Variants in VAV3 observed in about 807,000 individuals in gnomAD.
VAV3 encodes vav guanine nucleotide exchange factor 3.
Under a neutral mutation model 131.2 loss-of-function variants are expected in VAV3, and 94 were observed. That is an observed-to-expected ratio of 0.72 (90% confidence interval 0.61 to 0.85). The LOEUF (loss-of-function observed/expected upper bound fraction) is 0.85. Ranked by LOEUF, VAV3 falls within the 40% of genes least tolerant of loss-of-function variation. The pLI, the probability that VAV3 is intolerant of heterozygous loss-of-function variation, is 0.00. For missense variants in VAV3, 939 were observed against 1,002.7 expected, an observed-to-expected ratio of 0.94 and a Z score of 0.86; for synonymous variants, 349 against 342.0, an observed-to-expected ratio of 1.02 and a Z score of -0.22.
intron 15 of VAV3, among the ~76,000 whole-genome samples, chr1:107,735,117 T>C (rs1314148689): frequency 2.6e-5 from 4 of 152,120 alleles, no homozygotes; most frequent in Non-Finnish European, 5.9e-5. Flanking sequence ...ACTGGGTAAA[T>C]TAAAAACTGA....
At chr1:107,585,351 A>AT (rs1650399685) in intron 25 of VAV3, among the ~76,000 whole-genome samples, 1 of 151,794 alleles carries the variant, frequency 6.6e-6, no homozygotes, top group African/African-American at 2.4e-5. Flanking sequence ...TCTGTCATCT[A>AT]TTTTCATGGT....
At chr1:107,620,813 A>C (rs925218621) in intron 20 of VAV3, among the ~76,000 whole-genome samples, 6 of 152,160 alleles carry the variant, frequency 3.9e-5, no homozygotes, top group African/African-American at 1.4e-4. Flanking sequence ...AGCTGATGAA[A>C]GTGTATGGAC....
intron 15 of VAV3, among the ~76,000 whole-genome samples, chr1:107,706,708 A>G (rs1660475942): frequency 6.6e-6 from 1 of 152,174 alleles, no homozygotes; most frequent in Non-Finnish European, 1.5e-5. Context: ...CTGTTTCCTT[A>G]GTCAGGAAGG....
At chr1:107,654,577 T>C (rs527761281) in intron 19 of VAV3, among the ~76,000 whole-genome samples, 4 of 152,014 alleles carry the variant, frequency 2.6e-5, no homozygotes, top group Non-Finnish European at 5.9e-5. Context: ...ACCATCAATC[T>C]GAAAACTACT....
intron 2 of VAV3, among the ~76,000 whole-genome samples, chr1:107,851,404 A>G (rs1206937924): frequency 2.6e-5 from 4 of 151,864 alleles, no homozygotes; most frequent in Non-Finnish European, 4.4e-5. Flanking sequence ...CAGAAAAAAA[A>G]AAAAAAAAAA....
chr1:107,617,476 C>T (rs1188707341), intron 21 of VAV3, 91 bp downstream of exon 21: 2 of 1,017,090 alleles, frequency 2.0e-6, no homozygotes, highest in South Asian at 1.8e-5. Flanking sequence ...TAATAACTGA[C>T]CTGGCCAGTA....
In VAV3 at chr1:107,800,841, C is replaced by T. The variant is rs569716117; in HGVS notation, c.322-21349G>A. On this transcript the variant is annotated intron_variant, in intron 2 of 26. Transcript: ENST00000370056. ...TTTGCCTTTATATAATCCTATTTGTCTATCTTTGCTTTGGCTGCCTGTGCT... is the reference window on the plus strand; with the variant it reads ...TTTGCCTTTATATAATCCTATTTGTTTATCTTTGCTTTGGCTGCCTGTGCT... Among the ~76,000 whole-genome samples, 5 of 152,140 alleles carry T rather than the reference C, an allele frequency of 3.3e-5. No individual in the cohort carries two copies. The South Asian group carries it at 6.2e-4, about 19-fold the overall frequency.
intron 20 of VAV3, among the ~76,000 whole-genome samples, chr1:107,628,146 G>GA (rs1244772079): frequency 1.3e-5 from 2 of 152,082 alleles, no homozygotes; most frequent in African/African-American, 4.8e-5. Flanking sequence ...GGGTGAAAGG[G>GA]AAAACCAGGA....
chr1:107,812,862 G>A (rs989147937), intron 2 of VAV3, among the ~76,000 whole-genome samples: 38 of 152,088 alleles, frequency 2.5e-4, no homozygotes, highest in African/African-American at 8.7e-4. Flanking sequence ...GGTGGCTCAC[G>A]CCTGTAATCC....
intron 2 of VAV3, among the ~76,000 whole-genome samples, chr1:107,832,220 T>C (rs1220756439): frequency 1.1e-4 from 16 of 152,220 alleles, no homozygotes; most frequent in Admixed American, 1.0e-3. Context: ...AATGGACTAA[T>C]GGACCTTAGT....
intron 2 of VAV3, among the ~76,000 whole-genome samples, chr1:107,802,636 C>T (rs76298220): frequency 0.034 from 5,126 of 152,060 alleles, 159 homozygotes; most frequent in African/African-American, 0.08. Flanking sequence ...AAAGAGGATA[C>T]ATTACATTTA....
chr1:107,689,789 C>A (rs183852641), intron 17 of VAV3, among the ~76,000 whole-genome samples: 1 of 152,174 alleles, frequency 6.6e-6, no homozygotes, highest in Non-Finnish European at 1.5e-5. Flanking sequence ...GAAGAAAGAT[C>A]GCCCAAGAGC....
chr1:107,773,578 A>G (rs1217174268), intron 4 of VAV3, among the ~76,000 whole-genome samples: 1 of 152,160 alleles, frequency 6.6e-6, no homozygotes, highest in African/African-American at 2.4e-5. Flanking sequence ...GAGGAGAGGA[A>G]CAGACAGAGA....
At chr1:107,702,578 G>A (rs546172563) in intron 17 of VAV3, among the ~76,000 whole-genome samples, 1 of 152,108 alleles carries the variant, frequency 6.6e-6, no homozygotes, top group East Asian at 1.9e-4. Context: ...TAATTACCTA[G>A]GAACAGACAC....
At chr1:107,608,460 A>G (rs925720754) in intron 22 of VAV3, among the ~76,000 whole-genome samples, 2 of 152,200 alleles carry the variant, frequency 1.3e-5, no homozygotes, top group Admixed American at 1.3e-4. Context: ...TAGACCTCAA[A>G]TTAAATTTCT....
In VAV3 at chr1:107,806,520, T is replaced by C. The variant is rs535014037; in HGVS notation, c.322-27028A>G. Among the ~76,000 whole-genome samples the C allele has an allele frequency of 4.8e-5, 7 of 147,142 alleles. No homozygotes were observed. In the South Asian group the frequency reaches 1.1e-3, roughly 23 times the overall value. ...ATTTTGAAATTTAAGTCTCCAATAA[T>C]GGCTTTTACTATCTTCAACCCTTGA... is the stretch of plus-strand genomic sequence containing the variant. On this transcript the variant is annotated intron_variant, in intron 2 of 26. Transcript: ENST00000370056.
At position 107,876,811 on chromosome 1, in the gene VAV3, C is replaced by T. The variant is rs186354617; in HGVS notation, c.205-1794G>A. 3.3e-3 allele frequency among the ~76,000 whole-genome samples: 507 copies of T among 151,800 alleles called. 1 individual carries two copies. The highest frequency in any genetic ancestry group is 5.7e-3 in the Non-Finnish European group (388 of 67,920). On this transcript the variant is annotated intron_variant, in intron 1 of 26. Coordinates refer to ENST00000370056, the MANE Select transcript of VAV3 (RefSeq NM_006113.5). ...GCATTTTATTATATGTAAGTTATAC[C>T]AAAATAAAGTTTAAAAAAATGGAAA... is the stretch of plus-strand genomic sequence containing the variant.
chr1:107,623,167 T>C (rs763423558), intron 20 of VAV3, among the ~76,000 whole-genome samples: 23 of 152,310 alleles, frequency 1.5e-4, no homozygotes, highest in Non-Finnish European at 3.2e-4. Context: ...GAAGAGCTTG[T>C]TCTATTTCTA....
At chr1:107,586,282 C>A (rs928495545) in intron 25 of VAV3, among the ~76,000 whole-genome samples, 2 of 152,180 alleles carry the variant, frequency 1.3e-5, no homozygotes, top group Non-Finnish European at 1.5e-5. Flanking sequence ...CTATTCACTG[C>A]TGTATTTTAA....
Sources: gnomAD v4.1 joint callset for allele counts (sites outside exome capture counted in the v4.1 genomes callset) on GRCh38, gnomAD v4.1.1 for gene constraint, MANE v1.5 for transcripts, NCBI Gene and HGNC (gene_info 2026-07-23, HGNC 2026-07-21) for gene names.